CRPPA: variants seen among roughly 807,000 people sequenced by gnomAD.
The protein encoded by CRPPA is D-ribitol-5-phosphate cytidylyltransferase.
A neutral mutation model predicts 52.0 loss-of-function variants in CRPPA; 43 were observed. The observed-to-expected ratio is 0.83, with a 90% CI of 0.65 to 1.07. CRPPA has a LOEUF of 1.07. CRPPA is among the 50% of genes least tolerant of loss of function. The pLI is 0.00. For missense variants in CRPPA, 629 were observed against 551.7 expected (o/e 1.14, Z -1.40); for synonymous variants, 250 against 203.5 (o/e 1.23, Z -1.94).
At chr7:16,167,169 G>A (rs557692313) in intron 9 of CRPPA, among the ~76,000 whole-genome samples, 1 of 152,106 alleles carries the variant, frequency 6.6e-6, no homozygotes, top group Admixed American at 6.5e-5. Flanking sequence ...CTCGTGATCA[G>A]CCTGCCTCAG....
chr7:16,381,164 G>T (rs531765277), intron 2 of CRPPA, among the ~76,000 whole-genome samples: 1 of 152,312 alleles, frequency 6.6e-6, no homozygotes, highest in Non-Finnish European at 1.5e-5. Context: ...TGCTTTGAAT[G>T]AGTCCCACAG....
chr7:16,296,332 C>G (rs1784674499), intron 5 of CRPPA, among the ~76,000 whole-genome samples: 1 of 152,058 alleles, frequency 6.6e-6, no homozygotes. Flanking sequence ...CTCCTAACAT[C>G]AAAATTCCCA....
intron 9 of CRPPA, among the ~76,000 whole-genome samples, chr7:16,150,984 T>A (rs1195714955): frequency 1.3e-5 from 2 of 152,220 alleles, no homozygotes; most frequent in African/African-American, 4.8e-5. Flanking sequence ...CACCTCCCAA[T>A]GCTGTTGCAT....
intron 3 of CRPPA, among the ~76,000 whole-genome samples, chr7:16,332,889 A>G (rs1190954392): frequency 2.0e-5 from 3 of 152,154 alleles, no homozygotes; most frequent in Non-Finnish European, 4.4e-5. Flanking sequence ...ATCTACAAGA[A>G]ACTCACTTTA....
rs537022676 is a variant in CRPPA, at chr7:16,280,530, T to C, written c.836-2304A>G. 3.3e-5 allele frequency among the ~76,000 whole-genome samples: 5 copies of C among 152,330 alleles called. No individual in the cohort carries two copies. The East Asian group carries it at 9.6e-4, about 29-fold the overall frequency. On this transcript the variant is annotated intron_variant, in intron 5 of 9. Coordinates refer to ENST00000407010, the MANE Select transcript of CRPPA (RefSeq NM_001101426.4). ...AATGTGATGGTGCCACAAACATTTA[T>C]ATAAATTTGTAAAATAATGCATAAC...
chr7:16,259,965 A>C (rs1281290845), intron 6 of CRPPA, among the ~76,000 whole-genome samples: 1 of 152,016 alleles, frequency 6.6e-6, no homozygotes, highest in Non-Finnish European at 1.5e-5. Context: ...TTGGCTATTA[A>C]ATTTTAAAAA....
chr7:16,322,740 T>C (rs1785288983), intron 3 of CRPPA, among the ~76,000 whole-genome samples: 1 of 152,162 alleles, frequency 6.6e-6, no homozygotes. Context: ...TTATTCCATA[T>C]AAGTTCCACA....
At chr7:16,374,625 C>A (rs1297141073) in intron 3 of CRPPA, among the ~76,000 whole-genome samples, 1 of 152,178 alleles carries the variant, frequency 6.6e-6, no homozygotes, top group Non-Finnish European at 1.5e-5. Flanking sequence ...CTCATCACAT[C>A]TACCAGTCTA....
chr7:16,157,558 T>G (rs571712541), intron 9 of CRPPA, among the ~76,000 whole-genome samples: 113 of 152,240 alleles, frequency 7.4e-4, no homozygotes, highest in Non-Finnish European at 1.9e-4. Flanking sequence ...TCAGCTAGTA[T>G]TTTTTTAATA....
At chr7:16,110,484 G>T (rs1432312192) in intron 9 of CRPPA, among the ~76,000 whole-genome samples, 1 of 151,976 alleles carries the variant, frequency 6.6e-6, no homozygotes, top group Non-Finnish European at 1.5e-5. Context: ...AGCGAAAAGA[G>T]CCAAGCTGAA....
intron 9 of CRPPA, among the ~76,000 whole-genome samples, chr7:16,136,946 T>G (rs1462377963): frequency 6.6e-6 from 1 of 152,242 alleles, no homozygotes; most frequent in Non-Finnish European, 1.5e-5. Context: ...AAGATAATTT[T>G]TTAGAAACTA....
chr7:16,138,173 T>C (rs543071417), intron 9 of CRPPA, among the ~76,000 whole-genome samples: 3 of 152,336 alleles, frequency 2.0e-5, no homozygotes, highest in East Asian at 3.9e-4. Flanking sequence ...TAGCTAAAGA[T>C]ATTTATGTGA....
intron 8 of CRPPA, among the ~76,000 whole-genome samples, chr7:16,244,651 G>T (rs185434896): frequency 6.6e-6 from 1 of 152,216 alleles, no homozygotes; most frequent in African/African-American, 2.4e-5. Context: ...ATCTGTTCTT[G>T]TAGAGTAAAA....
intron 9 of CRPPA, among the ~76,000 whole-genome samples, chr7:16,162,297 T>A (rs189019633): frequency 4.6e-4 from 70 of 152,352 alleles, no homozygotes; most frequent in African/African-American, 1.6e-3. Context: ...CTTTCCTACT[T>A]TCTCCTGTGG....
chr7:16,155,439 C>A (rs1256146196), intron 9 of CRPPA, among the ~76,000 whole-genome samples: 1 of 152,130 alleles, frequency 6.6e-6, no homozygotes, highest in African/African-American at 2.4e-5. Flanking sequence ...TTTTTCAATA[C>A]AAGTTACACC....
chr7:16,146,532 T>G (rs76586855), intron 9 of CRPPA, among the ~76,000 whole-genome samples: 1,859 of 152,224 alleles, frequency 0.012, 46 homozygotes, highest in African/African-American at 0.042. Flanking sequence ...CAGTATACAG[T>G]TAAAAACAAA....
intron 9 of CRPPA, among the ~76,000 whole-genome samples, chr7:16,161,978 G>C (rs1393901420): frequency 6.6e-6 from 1 of 152,162 alleles, no homozygotes; most frequent in East Asian, 1.9e-4. Flanking sequence ...TTGCATAGAG[G>C]AGTTTATAGT....
At chr7:16,101,318 C>A (rs1782039811) in intron 9 of CRPPA, among the ~76,000 whole-genome samples, 2 of 152,078 alleles carry the variant, frequency 1.3e-5, no homozygotes. Flanking sequence ...CCAATTATTG[C>A]CTCAATTTCA....
At chr7:16,367,691 G>C (rs1370410614) in intron 3 of CRPPA, among the ~76,000 whole-genome samples, 1 of 152,128 alleles carries the variant, frequency 6.6e-6, no homozygotes, top group Admixed American at 6.5e-5. Flanking sequence ...GTACAGGCAG[G>C]CTATGAATTA....
Sources: gnomAD v4.1 joint callset for allele counts (sites outside exome capture counted in the v4.1 genomes callset) on GRCh38, gnomAD v4.1.1 for gene constraint, MANE v1.5 for transcripts, NCBI Gene and HGNC (gene_info 2026-07-23, HGNC 2026-07-21) for gene names.